The following GPR176 variants were observed in gnomAD, a reference collection of about 807,000 sequenced individuals.
The protein encoded by GPR176 is G-protein coupled receptor 176.
GPR176 carries 26 observed loss-of-function variants against 35.4 expected under a neutral mutation model. The observed-to-expected ratio is 0.74, with a 90% CI of 0.54 to 1.02. The LOEUF is 1.02. Ranked by LOEUF, GPR176 falls within the 50% of genes least tolerant of loss-of-function variation. The probability of loss-of-function intolerance (pLI) is 0.00; values close to 1 mark genes in which losing one functional copy is unlikely to be tolerated. For missense variants in GPR176, 597 were observed against 665.3 expected (o/e 0.90, Z 1.13); for synonymous variants, 278 against 271.3 (o/e 1.02, Z -0.24).
chr15:39,825,088 T>C (rs1195137494), intron 1 of GPR176, among the ~76,000 whole-genome samples: 4 of 152,130 alleles, frequency 2.6e-5, no homozygotes, highest in African/African-American at 9.7e-5. Flanking sequence ...ATGCCTATAG[T>C]CCCAGCTACT....
intron 1 of GPR176, among the ~76,000 whole-genome samples, chr15:39,890,973 G>A (rs2032850684): frequency 1.3e-5 from 2 of 152,348 alleles, no homozygotes; most frequent in Non-Finnish European, 1.5e-5. Flanking sequence ...GGAGGTAGCA[G>A]TGTTGCCTTG....
chr15:39,843,044 T>C (rs562541842), intron 1 of GPR176, among the ~76,000 whole-genome samples: 1 of 144,170 alleles, frequency 6.9e-6, no homozygotes, highest in Non-Finnish European at 1.5e-5. Context: ...TTCACACTAT[T>C]AAAAAAAAAA....
rs374846020 is a variant in GPR176, at chr15:39,806,805, A to G, written c.425+201T>C. ...ACTCCCATCCCCAGGTCTTCTCTCA[A>G]TGGTTTTATTTTCCATGGCTGTTGC... On this transcript the variant is annotated intron_variant, in intron 2 of 2. Transcript: ENST00000561100. 1.3e-4 allele frequency among the ~76,000 whole-genome samples: 20 copies of G among 152,180 alleles called. No homozygotes were observed. The East Asian group carries it at 2.3e-3, about 18-fold the overall frequency.
At chr15:39,844,381 G>C (rs2030253795) in intron 1 of GPR176, among the ~76,000 whole-genome samples, 2 of 151,962 alleles carry the variant, frequency 1.3e-5, no homozygotes, top group African/African-American at 2.4e-5. Context: ...TGTAAAATAT[G>C]TATTTATCCT....
chr15:39,861,558 A>C (rs1002270868), intron 1 of GPR176, among the ~76,000 whole-genome samples: 50 of 152,094 alleles, frequency 3.3e-4, no homozygotes, highest in African/African-American at 1.2e-3. Flanking sequence ...AAAAAAAAAA[A>C]AATCCTATAT....
Position 39,834,600 on chromosome 15 carries a change from T to TA in GPR176, c.173-27343dup, listed in dbSNP as rs1901281115. Among the ~76,000 whole-genome samples the TA allele has an allele frequency of 2.6e-5, 4 of 152,146 alleles. No individual in the cohort carries two copies. The South Asian group carries it at 8.3e-4, about 32-fold the overall frequency. On this transcript the variant is annotated intron_variant, in intron 1 of 2. Coordinates refer to ENST00000561100, the MANE Select transcript of GPR176 (RefSeq NM_007223.3). ...ACACAATGGAATACTATTTAGCCAT[T>TA]AAAAAAGAAGGAGATCCTATCATTT... is the stretch of plus-strand genomic sequence containing the variant.
intron 1 of GPR176, among the ~76,000 whole-genome samples, chr15:39,817,525 A>G (rs1375276298): frequency 6.6e-6 from 1 of 152,162 alleles, no homozygotes; most frequent in African/African-American, 2.4e-5. Context: ...ACATCATACA[A>G]CACCCTTTAA....
At chr15:39,826,718 T>C (rs1022330275) in intron 1 of GPR176, among the ~76,000 whole-genome samples, 2 of 152,244 alleles carry the variant, frequency 1.3e-5, no homozygotes, top group Non-Finnish European at 2.9e-5. Context: ...AAATCCAACC[T>C]GCTCATTGAA....
In GPR176 at chr15:39,801,485, C is replaced by G. The variant is rs1426408372; in HGVS notation, c.1195G>C (p.Asp399His). The change falls in exon 3 of 3, where the codon GAC (aspartate) becomes CAC (histidine). Residue 399 changes from aspartate to histidine, a missense_variant. By Grantham distance (81) the Asp-to-His change is moderately conservative (BLOSUM62 -1). Coordinates refer to ENST00000561100, the MANE Select transcript of GPR176 (RefSeq NM_007223.3). ...ESEAKYIGSA[D>H]FQAKEIFSTC... The stretch of plus-strand genomic sequence containing the variant: ...CTAAATATCTCCTTGGCCTGGAAGT[C>G]AGCTGAGCCAATGTACTTGGCCTCA... 6.2e-7 allele frequency: 1 copy of G among 1,614,172 alleles called. No individual in the cohort carries two copies. The highest frequency in any genetic ancestry group is 8.5e-7 in the Non-Finnish European group (1 of 1,180,006).
chr15:39,856,657 A>G lies in GPR176; in HGVS notation c.173-49399T>C, dbSNP rs545770778. On this transcript the variant is annotated intron_variant, in intron 1 of 2. Coordinates refer to ENST00000561100, the MANE Select transcript of GPR176 (RefSeq NM_007223.3). ...CTCCCAGAGACACTGATCCAAGAAA[A>G]GGCAAGATAATAATGCCGCAATGTC... Among the ~76,000 whole-genome samples, 37 of 152,366 alleles carry G rather than the reference A, an allele frequency of 2.4e-4. No homozygotes were observed. The South Asian group carries it at 3.3e-3, about 14-fold the overall frequency.
intron 1 of GPR176, among the ~76,000 whole-genome samples, chr15:39,846,983 A>G (rs2030473913): frequency 6.9e-6 from 1 of 145,592 alleles, no homozygotes; most frequent in Admixed American, 7.5e-5. Context: ...TAGAGGAAAT[A>G]GTTACAACAA....
rs61666821 is a variant in GPR176, at chr15:39,879,103, C to A, written c.172+40752G>T. ...AAGTGCCACATTTAATGGAAGAAAA[C>A]TAGAGAACAAATGGGTCAACTATCA... On this transcript the variant is annotated intron_variant, in intron 1 of 2. Transcript: ENST00000561100. Among the ~76,000 whole-genome samples the A allele has an allele frequency of 4.6e-3, 707 of 152,332 alleles. 1 individual carries two copies. The highest frequency in any genetic ancestry group is 0.014 in the Middle Eastern group (4 of 294).
At chr15:39,895,199 G>A (rs1179879329) in intron 1 of GPR176, among the ~76,000 whole-genome samples, 2 of 150,626 alleles carry the variant, frequency 1.3e-5, no homozygotes, top group Non-Finnish European at 3.0e-5. Context: ...CAGCATGAGA[G>A]GGAGACCGTG....
At chr15:39,803,980 T>C (rs1899044613) in intron 2 of GPR176, among the ~76,000 whole-genome samples, 1 of 151,380 alleles carries the variant, frequency 6.6e-6, no homozygotes, top group South Asian at 2.1e-4. Context: ...AAGTGATGCA[T>C]GCTTTCACAT....
chr15:39,877,152 A>C (rs1333189333), intron 1 of GPR176, among the ~76,000 whole-genome samples: 1 of 152,194 alleles, frequency 6.6e-6, no homozygotes, highest in East Asian at 1.9e-4. Context: ...GTTGGTCCTC[A>C]GTGCTATTTA....
At chr15:39,869,156 A>T (rs914805522) in intron 1 of GPR176, among the ~76,000 whole-genome samples, 7 of 144,926 alleles carry the variant, frequency 4.8e-5, no homozygotes, top group Non-Finnish European at 9.2e-5. Flanking sequence ...GCTTTTTAAA[A>T]AAAAAAAAAA....
rs199511698 is a variant in GPR176, at chr15:39,801,884, C to T, written c.796G>A (p.Ala266Thr). 197 of 1,614,026 alleles carry T rather than the reference C, an allele frequency of 1.2e-4. 1 individual carries two copies. Among genetic ancestry groups the T allele is most frequent in the Admixed American group, 4.0e-4 (24 of 60,024 alleles). The change falls in exon 3 of 3, where the codon GCC becomes ACC. Residue 266 changes from alanine (A) to threonine (T), a missense_variant. This residue lies in a region of GPR176 where 220 missense variants were observed against 297.6 expected (regional missense o/e 0.74). Transcript: ENST00000561100. The stretch of plus-strand genomic sequence containing the variant: ...ACCATCACCATGGAGAGCAGGGTGG[C>T]GTGCAGCTCGGCCTCCCGCTGGGAG... ...YASQREAELH[A>T]TLLSMVMVFI...
intron 1 of GPR176, among the ~76,000 whole-genome samples, chr15:39,843,173 A>C (rs2030153300): frequency 6.6e-6 from 1 of 152,086 alleles, no homozygotes; most frequent in Non-Finnish European, 1.5e-5. Flanking sequence ...AGAGGAAATA[A>C]GAGTGGCTGT....
intron 1 of GPR176, among the ~76,000 whole-genome samples, chr15:39,844,919 G>GA (rs1477642431): frequency 2.6e-5 from 4 of 152,104 alleles, no homozygotes; most frequent in African/African-American, 4.8e-5. Context: ...TTTCAAGGAT[G>GA]AAACTAAGAA....
Sources: allele counts gnomAD v4.1 joint callset (sites outside exome capture counted in the v4.1 genomes callset), GRCh38; gene constraint gnomAD v4.1.1; regional missense constraint gnomAD v4.1.1; transcripts MANE v1.5; gene names NCBI Gene and HGNC (gene_info 2026-07-23, HGNC 2026-07-21).